MEGF11: variants seen among roughly 807,000 people sequenced by gnomAD.
The protein encoded by MEGF11 is multiple EGF like domains 11, also known as multiple epidermal growth factor-like domains protein 11.
MEGF11 carries 126 observed loss-of-function variants against 146.6 expected under a neutral mutation model. The observed-to-expected ratio is 0.86, with a 90% CI of 0.74 to 1.00. MEGF11 has a LOEUF of 1.00. MEGF11 is among the 50% of genes least tolerant of loss of function. MEGF11 has a pLI of 0.00. For missense variants in MEGF11, 1,509 were observed against 1,521.2 expected, an observed-to-expected ratio of 0.99 and a Z score of 0.13; for synonymous variants, 532 against 583.4, an observed-to-expected ratio of 0.91 and a Z score of 1.27.
intron 5 of MEGF11, among the ~76,000 whole-genome samples, chr15:65,984,624 C>T (rs183667128): frequency 1.6e-4 from 24 of 150,560 alleles, no homozygotes; most frequent in African/African-American, 5.4e-4. Flanking sequence ...TTGGGACACA[C>T]ACTCAGTGAG....
chr15:66,111,759 G>A (rs939018839), intron 4 of MEGF11, among the ~76,000 whole-genome samples: 2 of 152,218 alleles, frequency 1.3e-5, no homozygotes, highest in Non-Finnish European at 2.9e-5. Context: ...AACAGGCAGT[G>A]ACTGCTGAAT....
In MEGF11 at chr15:65,916,132, G is replaced by A; in HGVS notation, c.2344+16C>T. The A allele has an allele frequency of 6.3e-7, 1 of 1,576,562 alleles. No homozygotes were observed. The highest frequency in any genetic ancestry group is 8.6e-7 in the Non-Finnish European group (1 of 1,158,212). ...CCCAGCAGCATCACCCAGGATCAGG[G>A]GTCAGGGCAGCTTACTCTGCTCACA... is the stretch of plus-strand genomic sequence containing the variant. On this transcript the variant is annotated intron_variant, in intron 18 of 25. Transcript: ENST00000395614.
chr15:66,225,396 C>T (rs1017244912), intron 1 of MEGF11, among the ~76,000 whole-genome samples: 10 of 152,260 alleles, frequency 6.6e-5, no homozygotes, highest in African/African-American at 2.4e-4. Context: ...GGATGCTGTT[C>T]TCCGTAGGTA....
chr15:66,214,197 G>A (rs558212805), intron 1 of MEGF11, among the ~76,000 whole-genome samples: 10 of 151,846 alleles, frequency 6.6e-5, no homozygotes, highest in South Asian at 2.1e-4. Flanking sequence ...CACCACACCC[G>A]GCTAATTTTG....
chr15:66,148,127 T>G (rs1450609913), intron 1 of MEGF11, among the ~76,000 whole-genome samples: 1 of 152,126 alleles, frequency 6.6e-6, no homozygotes, highest in Non-Finnish European at 1.5e-5. Context: ...CGTGCATGTG[T>G]GTGTCTGTAT....
chr15:65,969,647 T>C (rs1246235043), intron 8 of MEGF11, among the ~76,000 whole-genome samples: 1 of 152,174 alleles, frequency 6.6e-6, no homozygotes, highest in African/African-American at 2.4e-5. Context: ...ATGGAGGGAT[T>C]CATTGGTTAA....
intron 5 of MEGF11, among the ~76,000 whole-genome samples, chr15:66,010,220 T>A (rs2082670107): frequency 6.9e-6 from 1 of 144,004 alleles, no homozygotes; most frequent in Admixed American, 7.1e-5. Context: ...TTTGAGACAG[T>A]CTCACTCTAT....
intron 5 of MEGF11, among the ~76,000 whole-genome samples, chr15:66,061,915 G>T (rs1402834899): frequency 6.6e-6 from 1 of 152,178 alleles, no homozygotes; most frequent in Non-Finnish European, 1.5e-5. Context: ...TACTATAGGT[G>T]CACACCACCA....
At chr15:66,204,360 G>C (rs1018180768) in intron 1 of MEGF11, among the ~76,000 whole-genome samples, 1 of 152,088 alleles carries the variant, frequency 6.6e-6, no homozygotes, top group Admixed American at 6.5e-5. Context: ...GGCCGAGATT[G>C]TGCCACTGTA....
chr15:65,990,308 T>C (rs967542089), intron 5 of MEGF11, among the ~76,000 whole-genome samples: 1 of 152,146 alleles, frequency 6.6e-6, no homozygotes, highest in Non-Finnish European at 1.5e-5. Flanking sequence ...CCCAACACTT[T>C]GAAAGGCTGA....
chr15:66,088,001 G>A (rs556009998), intron 5 of MEGF11, among the ~76,000 whole-genome samples: 15 of 152,280 alleles, frequency 9.9e-5, no homozygotes, highest in Non-Finnish European at 1.6e-4. Context: ...TATTACAACT[G>A]ACGCCACAGA....
At chr15:65,975,645 G>A (rs2081421413) in intron 7 of MEGF11, among the ~76,000 whole-genome samples, 1 of 152,152 alleles carries the variant, frequency 6.6e-6, no homozygotes, top group Admixed American at 6.5e-5. Context: ...CCAGATAGGT[G>A]AGCTAGGATA....
intron 5 of MEGF11, among the ~76,000 whole-genome samples, chr15:66,032,262 T>G (rs990846426): frequency 3.0e-4 from 46 of 152,324 alleles, no homozygotes; most frequent in Admixed American, 1.3e-4. Context: ...TTTAAATAAA[T>G]TACCCAGTCT....
At chr15:66,148,521 G>A (rs777911501) in intron 1 of MEGF11, among the ~76,000 whole-genome samples, 25 of 152,192 alleles carry the variant, frequency 1.6e-4, no homozygotes, top group Non-Finnish European at 3.5e-4. Flanking sequence ...GCCACAGTGG[G>A]CCTGGGGCCC....
At chr15:66,203,495 G>C (rs1011170276) in intron 1 of MEGF11, among the ~76,000 whole-genome samples, 4 of 152,180 alleles carry the variant, frequency 2.6e-5, no homozygotes, top group African/African-American at 9.7e-5. Flanking sequence ...TCTAAACTCT[G>C]AGTATGTGAG....
At chr15:66,010,755 G>A (rs1255950667) in intron 5 of MEGF11, among the ~76,000 whole-genome samples, 1 of 152,148 alleles carries the variant, frequency 6.6e-6, no homozygotes, top group Non-Finnish European at 1.5e-5. Flanking sequence ...TTCTTAAATG[G>A]GAAAGAAAAC....
At chr15:66,082,314 G>A (rs887525076) in intron 5 of MEGF11, among the ~76,000 whole-genome samples, 3 of 150,646 alleles carry the variant, frequency 2.0e-5, no homozygotes, top group South Asian at 2.1e-4. Context: ...TTGGCCAGGC[G>A]TGGTGGCTCA....
chr15:66,021,289 T>C (rs1302577131), intron 5 of MEGF11, among the ~76,000 whole-genome samples: 1 of 152,160 alleles, frequency 6.6e-6, no homozygotes, highest in African/African-American at 2.4e-5. Context: ...GCAGGCCAAA[T>C]GTTCCTCTCA....
chr15:66,100,060 G>A (rs1455087742), intron 4 of MEGF11, among the ~76,000 whole-genome samples: 1 of 151,010 alleles, frequency 6.6e-6, no homozygotes, highest in Non-Finnish European at 1.5e-5. Context: ...GTCTCATGAA[G>A]CCCCAGTGGT....
Sources: allele counts gnomAD v4.1 joint callset (sites outside exome capture counted in the v4.1 genomes callset), GRCh38; gene constraint gnomAD v4.1.1; transcripts MANE v1.5; gene names NCBI Gene and HGNC (gene_info 2026-07-23, HGNC 2026-07-21).